The following NEBL variants were observed in gnomAD, a reference collection of about 807,000 sequenced individuals.
NEBL encodes nebulette.
In NEBL, 122 loss-of-function variants were observed where a neutral mutation model predicts 140.2. The observed-to-expected ratio is 0.87, with a 90% CI of 0.75 to 1.01. The LOEUF is 1.01. Among genes scored for constraint, NEBL ranks in the 50% least tolerant of loss-of-function variants. The pLI is 0.00. For missense variants in NEBL, 1,365 were observed against 1,231.3 expected, an observed-to-expected ratio of 1.11 and a Z score of -1.62; for synonymous variants, 436 against 398.9, an observed-to-expected ratio of 1.09 and a Z score of -1.11.
At chr10:21,110,835 T>G (rs1232395694) in intron 2 of NEBL, 2 of 613,112 alleles carry the variant, frequency 3.3e-6, no homozygotes, top group Admixed American at 1.9e-5. Context: ...TGCACATTGT[T>G]GAAGCAGAGG....
intron 3 of NEBL, among the ~76,000 whole-genome samples, chr10:21,212,107 T>C (rs1841926686): frequency 6.6e-6 from 1 of 151,670 alleles, no homozygotes; most frequent in African/African-American, 2.4e-5. Flanking sequence ...TAATATATAC[T>C]ATGTTAGATA....
intron 2 of NEBL, among the ~76,000 whole-genome samples, chr10:21,058,952 T>G (rs1017547292): frequency 6.6e-6 from 1 of 152,228 alleles, no homozygotes; most frequent in Non-Finnish European, 1.5e-5. Context: ...TTGATTTTCT[T>G]TCTTGATCTG....
At position 20,945,714 on chromosome 10, in the gene NEBL, G is replaced by A. The variant is rs577295444; in HGVS notation, c.357+15958C>T. On this transcript the variant is annotated intron_variant, in intron 4 of 6. Transcript: ENST00000417816. ...TTAAGAACACACTAGCTTCCGTACCGACAAAAAGAAACCAAAATCTTTGGA... is the reference window on the plus strand; with the variant it reads ...TTAAGAACACACTAGCTTCCGTACCAACAAAAAGAAACCAAAATCTTTGGA... 6.6e-5 allele frequency among the ~76,000 whole-genome samples: 10 copies of A among 152,162 alleles called. No homozygotes were observed. The South Asian group carries it at 1.5e-3, about 22-fold the overall frequency.
At chr10:21,288,845 TATATAAAAA>T (rs1843103241) in intron 1 of NEBL, among the ~76,000 whole-genome samples, 2 of 84,704 alleles carry the variant, frequency 2.4e-5, no homozygotes, top group African/African-American at 1.1e-4. Flanking sequence ...TATATATATA[TATATAAAAA>T]TTTTTTTTTT....
intron 2 of NEBL, among the ~76,000 whole-genome samples, chr10:21,048,988 T>C (rs499364): frequency 0.6 from 91,896 of 151,950 alleles, 27,890 homozygotes; most frequent in East Asian, 0.72. Flanking sequence ...CCAGCCTGGA[T>C]GACAGAGAGA....
chr10:21,268,592 C>T (rs972769671), intron 1 of NEBL, among the ~76,000 whole-genome samples: 4 of 149,296 alleles, frequency 2.7e-5, no homozygotes, highest in South Asian at 2.1e-4. Context: ...GGTGTGATCT[C>T]GGCTCACTGC....
intron 4 of NEBL, among the ~76,000 whole-genome samples, chr10:20,932,768 C>T (rs937939093): frequency 1.3e-5 from 2 of 152,206 alleles, no homozygotes; most frequent in African/African-American, 4.8e-5. Context: ...TATTTCTTCA[C>T]ATGCCTTTCC....
In NEBL at chr10:21,128,676, C is replaced by A. The variant is rs570850211; in HGVS notation, c.164+43707G>T. ...AGAACAAAAGCAAAAAAAAGGAAGA[C>A]CAACAAGAGAACATCATCAACACCT... On this transcript the variant is annotated intron_variant, in intron 2 of 6. Coordinates refer to the NEBL transcript ENST00000417816. Among the ~76,000 whole-genome samples, 15 of 152,068 alleles carry A rather than the reference C, an allele frequency of 9.9e-5. No individual in the cohort carries two copies. The South Asian group carries it at 2.1e-3, about 21-fold the overall frequency.
intron 18 of NEBL, among the ~76,000 whole-genome samples, chr10:20,825,767 A>G (rs1398463480): frequency 6.6e-6 from 1 of 152,184 alleles, no homozygotes; most frequent in African/African-American, 2.4e-5. Context: ...AATGGAAAAA[A>G]CAATTTATCC....
intron 27 of NEBL, 148 bp from the exon 28 acceptor site, chr10:20,786,071 CATTGTG>C: frequency 2.5e-6 from 2 of 786,570 alleles, no homozygotes; most frequent in Middle Eastern, 3.3e-4. Flanking sequence ...CCTAGCATCT[CATTGTG>C]CTGATCTCAA....
chr10:21,281,802 A>G (rs576512877), intron 1 of NEBL, among the ~76,000 whole-genome samples: 1 of 152,252 alleles, frequency 6.6e-6, no homozygotes, highest in African/African-American at 2.4e-5. Flanking sequence ...CACTGCCCTA[A>G]AAGTCCTCTG....
chr10:21,270,019 G>A (rs1415733187), intron 1 of NEBL, among the ~76,000 whole-genome samples: 3 of 152,174 alleles, frequency 2.0e-5, no homozygotes, highest in Admixed American at 1.3e-4. Flanking sequence ...TAAAATTGCA[G>A]TAAGAAAATT....
intron 2 of NEBL, among the ~76,000 whole-genome samples, chr10:21,171,270 G>A (rs1841061235): frequency 6.6e-6 from 1 of 151,450 alleles, no homozygotes. Flanking sequence ...GGGAGGTGGT[G>A]GTTGCAGTGA....
chr10:20,790,002 A>C (rs1835816091), intron 26 of NEBL, among the ~76,000 whole-genome samples: 1 of 150,866 alleles, frequency 6.6e-6, no homozygotes, highest in Admixed American at 6.6e-5. Context: ...ATTTATGCCT[A>C]CTCCTTACTT....
At chr10:21,041,392 A>G (rs1834260649) in intron 2 of NEBL, among the ~76,000 whole-genome samples, 1 of 152,246 alleles carries the variant, frequency 6.6e-6, no homozygotes, top group South Asian at 2.1e-4. Flanking sequence ...ATACTGCCAC[A>G]GCACTGTCAA....
At chr10:21,279,758 A>T (rs1311191323) in intron 1 of NEBL, among the ~76,000 whole-genome samples, 1,054 of 24,032 alleles carry the variant, frequency 0.044, 15 homozygotes, top group African/African-American at 0.088. Context: ...AATCCATATA[A>T]AAAAAAAAAA....
intron 3 of NEBL, among the ~76,000 whole-genome samples, chr10:20,889,427 A>C (rs895913141): frequency 3.3e-5 from 5 of 152,206 alleles, no homozygotes; most frequent in Non-Finnish European, 7.3e-5. Flanking sequence ...TTTATCAAAG[A>C]TATCACATTT....
At chr10:21,270,627 C>A (rs951621678) in intron 1 of NEBL, among the ~76,000 whole-genome samples, 1 of 152,120 alleles carries the variant, frequency 6.6e-6, no homozygotes, top group Non-Finnish European at 1.5e-5. Context: ...CTTGGCCTCC[C>A]GAAGTGTTGG....
chr10:20,880,667 A>G, intron 5 of NEBL, 127 bp downstream of exon 5: 1 of 758,104 alleles, frequency 1.3e-6, no homozygotes, highest in South Asian at 1.4e-5. Context: ...CCTCTGACTG[A>G]TAAGAAATAT....
Sources: allele counts gnomAD v4.1 joint callset (sites outside exome capture counted in the v4.1 genomes callset), GRCh38; gene constraint gnomAD v4.1.1; transcripts MANE v1.5; gene names NCBI Gene and HGNC (gene_info 2026-07-23, HGNC 2026-07-21).